MDGA2: variants seen among roughly 807,000 people sequenced by gnomAD.
MDGA2 encodes MAM domain-containing glycosylphosphatidylinositol anchor protein 2.
In MDGA2, 40 loss-of-function variants were observed where a neutral mutation model predicts 117.8. That is an observed-to-expected ratio of 0.34 (90% CI 0.26 to 0.44). The LOEUF is 0.44. Ranked by LOEUF, MDGA2 falls within the 20% of genes least tolerant of loss-of-function variation. The pLI, the probability that MDGA2 is intolerant of heterozygous loss-of-function variation, is 1.00. For synonymous variants in MDGA2, 452 were observed against 439.0 expected, an observed-to-expected ratio of 1.03 and a Z score of -0.37; for missense variants, 1,123 against 1,250.6, an observed-to-expected ratio of 0.90 and a Z score of 1.54.
At chr14:47,169,849 T>C (rs1489877890) in intron 3 of MDGA2, among the ~76,000 whole-genome samples, 1 of 152,112 alleles carries the variant, frequency 6.6e-6, no homozygotes, top group South Asian at 2.1e-4. Flanking sequence ...TTTTAAATGA[T>C]AATTTCCTCT....
chr14:47,118,764 C>T (rs1470561367), intron 5 of MDGA2, among the ~76,000 whole-genome samples: 2 of 152,144 alleles, frequency 1.3e-5, no homozygotes, highest in African/African-American at 4.8e-5. Flanking sequence ...AAAGGTCTCT[C>T]ACTCTGTCGT....
In MDGA2 at chr14:47,063,020, A is replaced by T. The variant is rs151049565; in HGVS notation, c.1196-1442T>A. Among the ~76,000 whole-genome samples, 4 of 152,168 alleles carry T rather than the reference A, an allele frequency of 2.6e-5. No individual in the cohort carries two copies. In the East Asian group the frequency reaches 7.7e-4, roughly 29 times the overall value. On this transcript the variant is annotated intron_variant, in intron 6 of 16. Transcript: ENST00000399232. The stretch of plus-strand genomic sequence containing the variant: ...CTAGGCTGGGTTCTGACTACAGGAC[A>T]TGAACAAAATAGACATAACCATGGC...
intron 1 of MDGA2, among the ~76,000 whole-genome samples, chr14:47,604,493 C>T (rs530459634): frequency 1.5e-5 from 2 of 130,964 alleles, no homozygotes; most frequent in Admixed American, 7.7e-5. Context: ...CCCCACCCCC[C>T]CCCACCCTCA....
chr14:47,642,195 T>G (rs1397444200), intron 1 of MDGA2, among the ~76,000 whole-genome samples: 1 of 152,042 alleles, frequency 6.6e-6, no homozygotes, highest in African/African-American at 2.4e-5. Context: ...CCTTCAGCTA[T>G]GTACCCATTT....
intron 1 of MDGA2, among the ~76,000 whole-genome samples, chr14:47,366,681 G>T: frequency 6.6e-6 from 1 of 151,294 alleles, no homozygotes; most frequent in Non-Finnish European, 1.5e-5. Context: ...TTGTCTTCTG[G>T]CTCTTTATTA....
At chr14:47,664,754 A>T (rs1229862162) in intron 1 of MDGA2, among the ~76,000 whole-genome samples, 3 of 152,246 alleles carry the variant, frequency 2.0e-5, no homozygotes, top group Non-Finnish European at 4.4e-5. Flanking sequence ...GATTTTAGTC[A>T]TTCTGGACCC....
At chr14:47,222,712 A>G (rs1286162932) in intron 2 of MDGA2, among the ~76,000 whole-genome samples, 2 of 152,228 alleles carry the variant, frequency 1.3e-5, no homozygotes, top group African/African-American at 4.8e-5. Context: ...AACCTTCACT[A>G]ATCAAAAATT....
intron 1 of MDGA2, among the ~76,000 whole-genome samples, chr14:47,576,378 TAGAG>T (rs1303063460): frequency 2.6e-5 from 4 of 152,158 alleles, no homozygotes; most frequent in African/African-American, 7.2e-5. Flanking sequence ...CAACTAAAAA[TAGAG>T]AGATTCCTTC....
At chr14:47,251,918 G>T (rs1887459336) in intron 2 of MDGA2, among the ~76,000 whole-genome samples, 2 of 143,350 alleles carry the variant, frequency 1.4e-5, no homozygotes, top group Non-Finnish European at 3.1e-5. Flanking sequence ...TCAGAACAAG[G>T]TTGGTTTCTC....
chr14:47,610,389 T>C (rs1896825330), intron 1 of MDGA2, among the ~76,000 whole-genome samples: 2 of 152,064 alleles, frequency 1.3e-5, no homozygotes, highest in Non-Finnish European at 2.9e-5. Context: ...AGTTTGCTGA[T>C]GATATGATCG....
chr14:47,002,525 C>T (rs1377673378), intron 8 of MDGA2, among the ~76,000 whole-genome samples: 1 of 151,844 alleles, frequency 6.6e-6, no homozygotes, highest in Non-Finnish European at 1.5e-5. Flanking sequence ...GTCAGGAGTT[C>T]AAGACCAGCC....
chr14:47,010,281 G>T (rs1887853060), intron 8 of MDGA2, among the ~76,000 whole-genome samples: 1 of 151,870 alleles, frequency 6.6e-6, no homozygotes, highest in South Asian at 2.1e-4. Flanking sequence ...CTGATCCAAA[G>T]AAATCTTAGA....
intron 1 of MDGA2, among the ~76,000 whole-genome samples, chr14:47,583,693 C>A (rs576246001): frequency 6.6e-5 from 10 of 151,730 alleles, no homozygotes; most frequent in Non-Finnish European, 1.0e-4. Flanking sequence ...GGATTAAAAT[C>A]ATCTAAAACT....
chr14:47,427,264 A>C (rs1892710014), intron 1 of MDGA2, among the ~76,000 whole-genome samples: 1 of 152,114 alleles, frequency 6.6e-6, no homozygotes, highest in Non-Finnish European at 1.5e-5. Context: ...TTCCTCCCAC[A>C]TCCACCTCCA....
intron 14 of MDGA2, among the ~76,000 whole-genome samples, chr14:46,864,205 T>C (rs570972903): frequency 1.3e-5 from 2 of 151,326 alleles, no homozygotes; most frequent in East Asian, 3.9e-4. Context: ...GTAGAAATAT[T>C]GTATGCATTG....
chr14:47,098,823 T>C lies in MDGA2; in HGVS notation c.926-1700A>G, dbSNP rs1037091903. Among the ~76,000 whole-genome samples the C allele has an allele frequency of 2.0e-5, 3 of 152,100 alleles. 1 individual carries two copies. The highest frequency in any genetic ancestry group is 4.8e-5 in the African/African-American group (2 of 41,554). ...CCATTAACAGCATATATTTGGACTA[T>C]GGACATACCCAATGGTGACATTAAG... On this transcript the variant is annotated intron_variant, in intron 5 of 16. Coordinates refer to ENST00000399232, the MANE Select transcript of MDGA2 (RefSeq NM_001113498.3).
chr14:47,032,199 A>T (rs1225374536), intron 8 of MDGA2, among the ~76,000 whole-genome samples: 1 of 152,208 alleles, frequency 6.6e-6, no homozygotes, highest in East Asian at 1.9e-4. Context: ...TCCACATATG[A>T]ATGATATAAC....
intron 1 of MDGA2, among the ~76,000 whole-genome samples, chr14:47,362,559 T>C (rs1179452446): frequency 6.6e-6 from 1 of 152,170 alleles, no homozygotes; most frequent in African/African-American, 2.4e-5. Flanking sequence ...GTGCCTTATA[T>C]ATATTTTCAC....
chr14:47,045,301 T>G (rs1360572157), intron 7 of MDGA2, among the ~76,000 whole-genome samples: 1 of 152,206 alleles, frequency 6.6e-6, no homozygotes, highest in African/African-American at 2.4e-5. Context: ...ATGATTTTCA[T>G]ATAATTTGGT....
Sources: allele counts gnomAD v4.1 joint callset (sites outside exome capture counted in the v4.1 genomes callset), GRCh38; gene constraint gnomAD v4.1.1; transcripts MANE v1.5; gene names NCBI Gene and HGNC (gene_info 2026-07-23, HGNC 2026-07-21).